ZMYND8: variants seen among roughly 807,000 people sequenced by gnomAD.
ZMYND8 encodes the protein zinc finger MYND-type containing 8.
ZMYND8 carries 37 observed loss-of-function variants against 140.8 expected under a neutral mutation model. The observed-to-expected ratio is 0.26, with a 90% CI of 0.20 to 0.35. The LOEUF (loss-of-function observed/expected upper bound fraction) is 0.35, where lower values mean the gene tolerates loss of function less well. Among genes scored for constraint, ZMYND8 ranks in the 10% least tolerant of loss-of-function variants. ZMYND8 has a pLI of 1.00. For missense variants in ZMYND8, 1,068 were observed against 1,570.0 expected (o/e 0.68, Z 5.40); for synonymous variants, 592 against 597.1 (o/e 0.99, Z 0.12).
At chr20:47,343,957 CTTTTTTT>C (rs750832298) in intron 2 of ZMYND8, among the ~76,000 whole-genome samples, 97 of 119,932 alleles carry the variant, frequency 8.1e-4, no homozygotes, top group African/African-American at 3.0e-3. Flanking sequence ...AGTGATAAAT[CTTTTTTT>C]TTTTTTTTTT....
intron 2 of ZMYND8, among the ~76,000 whole-genome samples, chr20:47,346,908 C>G (rs567469250): frequency 1.3e-5 from 2 of 152,188 alleles, no homozygotes; most frequent in Non-Finnish European, 2.9e-5. Flanking sequence ...CCTGGCGACA[C>G]GCTGTCTTGT....
At chr20:47,219,929 TGAGA>T (rs371352028) in intron 21 of ZMYND8, among the ~76,000 whole-genome samples, 12 of 152,050 alleles carry the variant, frequency 7.9e-5, no homozygotes, top group East Asian at 3.9e-4. Context: ...CTCATTTCCC[TGAGA>T]GAGAGAGAAA....
Position 47,209,564 on chromosome 20 carries a change from T to G in ZMYND8, c.*1197A>C, listed in dbSNP as rs2034986810. The G allele has an allele frequency of 2.0e-5, 3 of 152,364 alleles. No homozygotes were observed. Among genetic ancestry groups the G allele is most frequent in the Admixed American group, 2.0e-4 (3 of 15,292 alleles). The allele number at this position is 152,364 out of a possible 1,614,324, so 9.4% of individuals were successfully genotyped here. The stretch of plus-strand genomic sequence containing the variant: ...GGGTAACTAGCTGGAAACTGTACAG[T>G]TCGCATCCTCTTAACAATGAAGAGA... On this transcript the variant is annotated 3_prime_UTR_variant, in exon 23 of 23. Transcript: ENST00000471951.
At chr20:47,355,226 G>C (rs906479792) in intron 1 of ZMYND8, among the ~76,000 whole-genome samples, 1 of 152,102 alleles carries the variant, frequency 6.6e-6, no homozygotes, top group Non-Finnish European at 1.5e-5. Context: ...CCTGACTCAG[G>C]GTAAACAGGA....
chr20:47,307,825 C>T (rs1173311201), intron 3 of ZMYND8, among the ~76,000 whole-genome samples: 2 of 151,768 alleles, frequency 1.3e-5, no homozygotes, highest in Non-Finnish European at 2.9e-5. Context: ...GAAACTCCAT[C>T]TCAAATAAAT....
intron 6 of ZMYND8, among the ~76,000 whole-genome samples, chr20:47,291,147 A>G (rs2077239606): frequency 6.6e-6 from 1 of 152,158 alleles, no homozygotes; most frequent in Non-Finnish European, 1.5e-5. Context: ...CAATTTCCTA[A>G]AAACAGACTG....
intron 1 of ZMYND8, chr20:47,348,808 A>T (rs1236105667): frequency 6.6e-6 from 1 of 152,160 alleles, no homozygotes; most frequent in Non-Finnish European, 1.5e-5. Context: ...AGCTAAACCA[A>T]AGGGAAAAAA....
intron 1 of ZMYND8, chr20:47,349,792 C>G: frequency 6.5e-7 from 1 of 1,528,766 alleles, no homozygotes; most frequent in Non-Finnish European, 8.8e-7. Flanking sequence ...AAACGCTAAT[C>G]TGTGATCCAA....
rs199877712 is a variant in ZMYND8 at position 47,276,444 on chromosome 20, C to T, written c.1350G>A (p.Pro450=). The T allele has an allele frequency of 9.7e-4, 1,560 of 1,614,142 alleles. 31 individuals carry two copies. The South Asian group carries it at 0.013, about 14-fold the overall frequency. The change falls in exon 11 of 23, where the codon CCG becomes CCA. Residue 450 remains proline, a synonymous_variant. Coordinates refer to ENST00000471951, the MANE Select transcript of ZMYND8 (RefSeq NM_001281775.3). ...AAGAGTTTGTGCTCATGGGGGAGCG[C>T]GGCATATCCGACAAGGAAATCCGGC... ...TGRRISLSDM[P]RSPMSTNSSV...
chr20:47,341,130 C>A (rs1003671836), intron 2 of ZMYND8, among the ~76,000 whole-genome samples: 4 of 151,860 alleles, frequency 2.6e-5, no homozygotes, highest in Non-Finnish European at 5.9e-5. Context: ...TGTGGTAATG[C>A]GAAAAGGTCA....
chr20:47,264,149 T>C (rs1020032264), intron 11 of ZMYND8, among the ~76,000 whole-genome samples: 2 of 152,208 alleles, frequency 1.3e-5, no homozygotes, highest in African/African-American at 4.8e-5. Context: ...GGAGTAGGCA[T>C]GCAGCTGGGA....
At position 47,276,412 on chromosome 20, in the gene ZMYND8, T is replaced by C; in HGVS notation, c.1382A>G (p.His461Arg). Residue 461 changes from histidine (H) to arginine (R), a missense_variant, in exon 11 of 23, where the codon CAC becomes CGC. His to Arg is a conservative substitution (Grantham distance 29). Around this residue, in one of 10 missense-constraint regions of ZMYND8, gnomAD observed 173 missense variants for 223.3 expected, o/e 0.77. Transcript: ENST00000471951. ...RSPMSTNSSV[H>R]TGSDVEQDAE... is the part of the protein sequence containing the mutation. ...ATCCTGCTCCACGTCGGAGCCCGTG[T>C]GCACAGAAGAGTTTGTGCTCATGGG... The C allele has an allele frequency of 6.2e-7, 1 of 1,613,176 alleles. No homozygotes were observed. Among genetic ancestry groups the C allele is most frequent in the Non-Finnish European group, 8.5e-7 (1 of 1,179,168 alleles).
chr20:47,311,729 G>A (rs2078947880), intron 2 of ZMYND8, among the ~76,000 whole-genome samples: 1 of 152,164 alleles, frequency 6.6e-6, no homozygotes. Context: ...AATTAGCTGG[G>A]TGTGGTGGCA....
chr20:47,296,394 G>A (rs1161236853), intron 4 of ZMYND8, among the ~76,000 whole-genome samples: 2 of 152,118 alleles, frequency 1.3e-5, no homozygotes, highest in African/African-American at 4.8e-5. Context: ...CAAATCAGCT[G>A]GGGGATGATG....
chr20:47,232,870 A>G (rs2038698780), intron 16 of ZMYND8, among the ~76,000 whole-genome samples: 2 of 150,498 alleles, frequency 1.3e-5, no homozygotes, highest in African/African-American at 2.5e-5. Context: ...TAACACTTTC[A>G]TGACAACCTC....
intron 2 of ZMYND8, among the ~76,000 whole-genome samples, chr20:47,347,631 A>G (rs959047617): frequency 1.3e-5 from 2 of 152,298 alleles, no homozygotes; most frequent in East Asian, 1.9e-4. Context: ...CACACAGGTA[A>G]AATTCACTGT....
chr20:47,286,028 A>C (rs2076897013), intron 8 of ZMYND8, among the ~76,000 whole-genome samples: 1 of 151,532 alleles, frequency 6.6e-6, no homozygotes, highest in African/African-American at 2.4e-5. Context: ...CCATTTCTAC[A>C]AAAAAAATAA....
intron 11 of ZMYND8, among the ~76,000 whole-genome samples, chr20:47,265,068 A>ATATATATG (rs1555948705): frequency 3.5e-5 from 5 of 144,494 alleles, no homozygotes; most frequent in Non-Finnish European, 6.1e-5. Context: ...ATATATATAT[A>ATATATATG]GGCATTTTAA....
chr20:47,349,062 G>T (rs896565634), intron 1 of ZMYND8: 4 of 152,198 alleles, frequency 2.6e-5, no homozygotes, highest in African/African-American at 9.7e-5. Flanking sequence ...GGGGAAGAGA[G>T]AATGTTCCGT....
Sources: gnomAD v4.1 joint callset for allele counts (sites outside exome capture counted in the v4.1 genomes callset) on GRCh38, gnomAD v4.1.1 for gene constraint, gnomAD v4.1.1 regional missense constraint, MANE v1.5 for transcripts, NCBI Gene and HGNC (gene_info 2026-07-23, HGNC 2026-07-21) for gene names.